The following KALRN variants were observed in gnomAD, a reference collection of about 807,000 sequenced individuals.
The protein encoded by KALRN is kalirin.
A neutral mutation model predicts 353.7 loss-of-function variants in KALRN; 70 were observed. That is an observed-to-expected ratio of 0.20 (90% CI 0.16 to 0.24). The LOEUF (loss-of-function observed/expected upper bound fraction) is 0.24, where lower values mean the gene tolerates loss of function less well. Ranked by LOEUF, KALRN falls within the 10% of genes least tolerant of loss-of-function variation. KALRN has a pLI of 1.00. For missense variants in KALRN, 2,791 were observed against 3,756.7 expected (o/e 0.74, Z 6.72); for synonymous variants, 1,391 against 1,434.8 (o/e 0.97, Z 0.69).
Position 124,431,210 on chromosome 3 carries a change from T to A in KALRN, c.2829+435T>A, listed in dbSNP as rs138470322. On this transcript the variant is annotated intron_variant, in intron 16 of 59. Transcript: ENST00000682506. ...CCTATTTTTAACCATTTGGTTTACA[T>A]GTAACCCTTAGATACTATTGTCAGA... 2.7e-3 allele frequency among the ~76,000 whole-genome samples: 418 copies of A among 152,368 alleles called. 3 individuals carry two copies. The highest frequency in any genetic ancestry group is 9.3e-3 in the African/African-American group (387 of 41,588).
At chr3:124,154,599 A>G (rs191360044) in intron 1 of KALRN, among the ~76,000 whole-genome samples, 34 of 152,352 alleles carry the variant, frequency 2.2e-4, no homozygotes, top group Admixed American at 1.8e-3. Flanking sequence ...TCACTGCTCA[A>G]TGAAATAAAA....
At chr3:124,326,351 G>A (rs1310833995) in intron 7 of KALRN, among the ~76,000 whole-genome samples, 180 bp downstream of exon 7, 1 of 152,178 alleles carries the variant, frequency 6.6e-6, no homozygotes, top group African/African-American at 2.4e-5. Flanking sequence ...GATGGCCCCT[G>A]TGTGCACAAA....
chr3:124,111,445 C>T (rs976634089), intron 1 of KALRN, among the ~76,000 whole-genome samples: 2 of 152,162 alleles, frequency 1.3e-5, no homozygotes, highest in African/African-American at 4.8e-5. Context: ...TCAGCATTTA[C>T]CCTGTGGGAC....
At chr3:124,143,412 T>C (rs2066884567) in intron 1 of KALRN, among the ~76,000 whole-genome samples, 2 of 152,178 alleles carry the variant, frequency 1.3e-5, no homozygotes, top group Non-Finnish European at 2.9e-5. Context: ...CTCTTTTTGA[T>C]GACAGGAGTA....
chr3:124,370,417 T>G (rs2085683634), intron 10 of KALRN, among the ~76,000 whole-genome samples: 1 of 152,212 alleles, frequency 6.6e-6, no homozygotes, highest in Non-Finnish European at 1.5e-5. Flanking sequence ...ATTTTCATGC[T>G]AAAGCTTTGG....
chr3:124,248,261 C>A (rs537826472), intron 3 of KALRN, among the ~76,000 whole-genome samples: 10 of 152,352 alleles, frequency 6.6e-5, no homozygotes, highest in Admixed American at 3.3e-4. Flanking sequence ...TTCACCCCCC[C>A]CATACTCCTT....
At chr3:124,695,661 A>G (rs908729274) in intron 53 of KALRN, among the ~76,000 whole-genome samples, 1 of 152,182 alleles carries the variant, frequency 6.6e-6, no homozygotes, top group African/African-American at 2.4e-5. Context: ...ACTCTTTCTT[A>G]GAAATTCACT....
intron 34 of KALRN, among the ~76,000 whole-genome samples, chr3:124,592,684 C>T (rs888999149): frequency 6.6e-6 from 1 of 152,208 alleles, no homozygotes; most frequent in Non-Finnish European, 1.5e-5. Context: ...ACTGAGGCTC[C>T]ACCAGTATCT....
intron 34 of KALRN, among the ~76,000 whole-genome samples, chr3:124,605,676 C>T (rs1468311471): frequency 6.6e-6 from 1 of 151,892 alleles, no homozygotes; most frequent in East Asian, 1.9e-4. Context: ...AGAATATAGA[C>T]TTTGAAGCTC....
intron 2 of KALRN, among the ~76,000 whole-genome samples, chr3:124,231,866 C>G (rs775696184): frequency 6.6e-6 from 1 of 152,014 alleles, no homozygotes; most frequent in Non-Finnish European, 1.5e-5. Context: ...GCTTATTGTC[C>G]TCTGTAATTT....
At chr3:124,199,931 A>G (rs1371748196) in intron 1 of KALRN, among the ~76,000 whole-genome samples, 2 of 152,208 alleles carry the variant, frequency 1.3e-5, no homozygotes, top group Non-Finnish European at 2.9e-5. Flanking sequence ...ACCAAGATGC[A>G]TGTTCTTTTG....
intron 6 of KALRN, among the ~76,000 whole-genome samples, chr3:124,317,414 G>A (rs1315264150): frequency 6.6e-6 from 1 of 152,134 alleles, no homozygotes; most frequent in Non-Finnish European, 1.5e-5. Flanking sequence ...GTCAGGGATG[G>A]CCTAAGGGTG....
chr3:124,250,429 C>T (rs772294419), intron 3 of KALRN, among the ~76,000 whole-genome samples: 1 of 152,088 alleles, frequency 6.6e-6, no homozygotes, highest in Non-Finnish European at 1.5e-5. Context: ...CTGGACAGGT[C>T]GGGTGCAGCA....
chr3:124,191,253 G>A (rs986520567), intron 1 of KALRN, among the ~76,000 whole-genome samples: 3 of 151,696 alleles, frequency 2.0e-5, no homozygotes, highest in Admixed American at 2.0e-4. Flanking sequence ...GTATAGGCAC[G>A]ACTGACTAAA....
At chr3:124,199,651 A>G (rs1363564544) in intron 1 of KALRN, among the ~76,000 whole-genome samples, 1 of 152,250 alleles carries the variant, frequency 6.6e-6, no homozygotes, top group Non-Finnish European at 1.5e-5. Context: ...GATCTTGTGC[A>G]GAAGTCAGAA....
At chr3:124,060,451 A>G (rs1237957545) in intron 1 of KALRN, among the ~76,000 whole-genome samples, 1 of 151,918 alleles carries the variant, frequency 6.6e-6, no homozygotes, top group Non-Finnish European at 1.5e-5. Context: ...TTTTTATTTA[A>G]TGTTTTGCTG....
intron 34 of KALRN, among the ~76,000 whole-genome samples, chr3:124,620,146 G>C (rs1038075515): frequency 1.3e-5 from 2 of 152,096 alleles, no homozygotes; most frequent in African/African-American, 4.8e-5. Context: ...TGTTGCACAG[G>C]CTGGAGTGCA....
At chr3:124,318,607 G>A (rs1405126592) in intron 6 of KALRN, among the ~76,000 whole-genome samples, 2 of 152,138 alleles carry the variant, frequency 1.3e-5, no homozygotes, top group Admixed American at 1.3e-4. Flanking sequence ...AAGGAGATGA[G>A]GCTGAGCTTT....
intron 57 of KALRN, among the ~76,000 whole-genome samples, chr3:124,702,535 T>G (rs1324926837): frequency 1.3e-5 from 2 of 152,192 alleles, no homozygotes; most frequent in Non-Finnish European, 2.9e-5. Flanking sequence ...AAGTATCTTT[T>G]TATTACTGAT....
Sources: gnomAD v4.1 joint callset for allele counts (sites outside exome capture counted in the v4.1 genomes callset) on GRCh38, gnomAD v4.1.1 for gene constraint, MANE v1.5 for transcripts, NCBI Gene and HGNC (gene_info 2026-07-23, HGNC 2026-07-21) for gene names.